OCRL: variants seen among roughly 807,000 people sequenced by gnomAD.
OCRL encodes the protein inositol polyphosphate 5-phosphatase OCRL.
OCRL carries 8 observed loss-of-function variants against 78.9 expected under a neutral mutation model. The ratio of observed to expected loss-of-function variants is 0.10; its 90% CI spans 0.06 to 0.18. OCRL has a LOEUF of 0.18. Among genes scored for constraint, OCRL ranks in the 10% least tolerant of loss-of-function variants. OCRL has a pLI of 1.00. For synonymous variants in OCRL, 240 were observed against 235.4 expected (o/e 1.02, Z -0.18); for missense variants, 454 against 696.7 (o/e 0.65, Z 3.92).
At chrX:129,566,470 A>G (rs996383843) in intron 13 of OCRL, among the ~76,000 whole-genome samples, 2 of 112,795 alleles carry the variant, frequency 1.8e-5, no homozygotes, top group Non-Finnish European at 3.7e-5. Context: ...CCTGATATTC[A>G]AGAACCTGGT....
intron 18 of OCRL, among the ~76,000 whole-genome samples, chrX:129,583,286 T>G (rs893318068): frequency 1.8e-5 from 2 of 111,933 alleles, no homozygotes; most frequent in African/African-American, 6.5e-5. Flanking sequence ...TTTCTCACTG[T>G]CCTTAGCCTG....
chrX:129,545,477 T>C (rs1670740881), intron 3 of OCRL, among the ~76,000 whole-genome samples: 1 of 112,625 alleles, frequency 8.9e-6, no homozygotes, highest in African/African-American at 3.2e-5. Flanking sequence ...TGTAATATCT[T>C]ACACTCAATT....
chrX:129,547,419 G>A (rs1446312336), intron 3 of OCRL, among the ~76,000 whole-genome samples: 1 of 107,274 alleles, frequency 9.3e-6, no homozygotes, highest in African/African-American at 3.4e-5. Context: ...CAACTACTCG[G>A]GAGGCTGAGG....
In OCRL at chrX:129,560,661, A is replaced by G. The variant is rs752296863; in HGVS notation, c.824+10A>G. The G allele has an allele frequency of 9.1e-7, 1 of 1,102,092 alleles. No homozygotes were observed. The highest frequency in any genetic ancestry group is 2.2e-5 in the Admixed American group (1 of 45,738). The allele number at this position is 1,102,092 out of a possible 1,213,427, so 90.8% of individuals were successfully genotyped here. A position where few individuals can be genotyped will look rare whatever the true frequency, so the allele number is the denominator to read the frequency against. On this transcript the variant is annotated intron_variant, in intron 9 of 23. Coordinates refer to ENST00000371113, the MANE Select transcript of OCRL (RefSeq NM_000276.4). ...ATATCTACTGCATTGGGTAAAGAAC[A>G]CTTCTGGAATTTCCTTTTGGCTATA...
Position 129,558,781 on chromosome X carries a change from CT to C in OCRL, c.560+30del, listed in dbSNP as rs1468404021. On this transcript the variant is annotated intron_variant, in intron 7 of 23. Coordinates refer to ENST00000371113, the MANE Select transcript of OCRL (RefSeq NM_000276.4). ...AAGTCCCATGTGAAAACATATTTGC[CT>C]TGTAGGAGAATTATAGTTTAAACAA... 7 of 1,210,329 alleles carry C rather than the reference CT, an allele frequency of 5.8e-6. No individual in the cohort carries two copies. In the African/African-American group the frequency reaches 1.2e-4, roughly 21 times the overall value.
In OCRL at chrX:129,557,916, A is replaced by G. The variant is rs1012798685; in HGVS notation, c.405A>G (p.Lys135=). 7.5e-6 allele frequency: 9 copies of G among 1,199,807 alleles called. No homozygotes were observed. Among genetic ancestry groups the G allele is most frequent in the Non-Finnish European group, 1.0e-5 (9 of 885,531 alleles). ...EQKDSSSWYQ[K]LDTKDKPSVF... is the part of the protein sequence containing the mutation. Reference sequence around the variant, plus strand: ...AGGACTCATCTAGCTGGTACCAGAAATTAGACACTAAGGACAAACCTTCTG... The same window carrying G: ...AGGACTCATCTAGCTGGTACCAGAAGTTAGACACTAAGGACAAACCTTCTG... Residue 135 remains lysine (K), a synonymous_variant, in exon 6 of 24, where the codon AAA becomes AAG. Transcript: ENST00000371113.
chrX:129,540,615 A>C (rs1306905921), intron 1 of OCRL, 129 bp from the exon 2 acceptor site: 2 of 503,082 alleles, frequency 4.0e-6, no homozygotes, highest in Non-Finnish European at 5.8e-6. Context: ...CCGGCGCGGG[A>C]GACGAAGCAG....
chrX:129,553,655 T>C (rs1251500290), intron 4 of OCRL, among the ~76,000 whole-genome samples: 2 of 111,767 alleles, frequency 1.8e-5, no homozygotes, highest in African/African-American at 6.5e-5. Context: ...ATGAGATGAG[T>C]ACAAATACAG....
rs192818233 is a variant in OCRL, at chrX:129,569,568, C to G, written c.1602+169C>G. Among the ~76,000 whole-genome samples, 172 of 111,793 alleles carry G rather than the reference C, an allele frequency of 1.5e-3. 1 individual carries two copies. Among genetic ancestry groups the G allele is most frequent in the African/African-American group, 5.5e-3 (168 of 30,779 alleles). Reference sequence around the variant, plus strand: ...GCCCCCAACCCTCCCAAATGCTGTCCGTATAGCTCTTAATGCTCCAGGCCT... The same window carrying G: ...GCCCCCAACCCTCCCAAATGCTGTCGGTATAGCTCTTAATGCTCCAGGCCT... On this transcript the variant is annotated intron_variant, in intron 15 of 23. Coordinates refer to ENST00000371113, the MANE Select transcript of OCRL (RefSeq NM_000276.4).
chrX:129,545,579 G>A (rs749517436), intron 3 of OCRL, among the ~76,000 whole-genome samples: 2 of 111,978 alleles, frequency 1.8e-5, no homozygotes, highest in South Asian at 3.8e-4. Flanking sequence ...ATTTGGGGAC[G>A]GAGCATAGAA....
intron 3 of OCRL, among the ~76,000 whole-genome samples, chrX:129,546,914 C>A (rs2124390045): frequency 9.0e-6 from 1 of 111,198 alleles, no homozygotes; most frequent in African/African-American, 3.3e-5. Context: ...TTTCCTGACC[C>A]CTGCATCTAT....
chrX:129,546,235 A>G (rs986063770), intron 3 of OCRL, among the ~76,000 whole-genome samples: 33 of 112,039 alleles, frequency 2.9e-4, no homozygotes, highest in African/African-American at 1.0e-3. Flanking sequence ...TACTCATCTT[A>G]TACAATTTTT....
intron 20 of OCRL, 39 bp from the exon 21 acceptor site, chrX:129,588,140 A>G (rs1442946331): frequency 2.0e-6 from 2 of 990,278 alleles, no homozygotes; most frequent in East Asian, 3.1e-5. Flanking sequence ...CTCAGGAGTG[A>G]TTATCTTGCC....
intron 17 of OCRL, 68 bp from the exon 18 acceptor site, chrX:129,576,249 T>C: frequency 9.6e-7 from 1 of 1,036,700 alleles, no homozygotes; most frequent in Non-Finnish European, 1.4e-6. Flanking sequence ...TTCTGTTGGT[T>C]CTTATACTCT....
In OCRL at chrX:129,589,023, A is replaced by G. The variant is rs1373281407; in HGVS notation, c.2469+10A>G. 1 of 1,211,138 alleles carries G rather than the reference A, an allele frequency of 8.3e-7. No individual in the cohort carries two copies. Among genetic ancestry groups the G allele is most frequent in the Admixed American group, 2.2e-5 (1 of 46,056 alleles). On this transcript the variant is annotated intron_variant, in intron 22 of 23. Transcript: ENST00000371113. ...CCGGATCTGCCGACAGGTGGGTTCT[A>G]CTGACCTGGGGATGTGTTTGACGCA...
At chrX:129,571,465 C>T (rs1231920875) in intron 15 of OCRL, among the ~76,000 whole-genome samples, 2 of 104,425 alleles carry the variant, frequency 1.9e-5, no homozygotes, top group African/African-American at 3.5e-5. Context: ...CCTGGGTTCA[C>T]GCCATTCTCT....
At position 129,560,535 on chromosome X, in the gene OCRL, C is replaced by T. The variant is rs1168678210; in HGVS notation, c.723-15C>T. 5.6e-6 allele frequency: 6 copies of T among 1,077,688 alleles called. No individual in the cohort carries two copies. The highest frequency in any genetic ancestry group is 4.4e-5 in the Admixed American group (2 of 45,556). 88.8% of individuals were successfully genotyped at this position (1,077,688 alleles called of 1,213,427 possible). A position where few individuals can be genotyped will look rare whatever the true frequency, so the allele number is the denominator to read the frequency against. ...GATCTTTGTTTTCAAATTATCTTTT[C>T]GTATTATGTATTAGATTTTTTGTTG... On this transcript the variant is annotated splice_polypyrimidine_tract_variant and intron_variant, in intron 8 of 23. Coordinates refer to ENST00000371113, the MANE Select transcript of OCRL (RefSeq NM_000276.4).
At chrX:129,580,785 T>TA (rs1250519978) in intron 18 of OCRL, among the ~76,000 whole-genome samples, 1 of 112,839 alleles carries the variant, frequency 8.9e-6, no homozygotes, top group Non-Finnish European at 1.9e-5. Flanking sequence ...CTTACTCTGT[T>TA]AAGTATATGG....
intron 21 of OCRL, 54 bp from the exon 22 acceptor site, chrX:129,588,832 G>A: frequency 7.5e-6 from 9 of 1,202,267 alleles, no homozygotes; most frequent in Non-Finnish European, 1.0e-5. Context: ...GCTCGTCGGG[G>A]CTCTGTGTGG....
Sources: gnomAD v4.1 joint callset for allele counts (sites outside exome capture counted in the v4.1 genomes callset) on GRCh38, gnomAD v4.1.1 for gene constraint, MANE v1.5 for transcripts, NCBI Gene and HGNC (gene_info 2026-07-23, HGNC 2026-07-21) for gene names.